Variants in NXPH1 observed in about 807,000 individuals in gnomAD.
The protein encoded by NXPH1 is neurexophilin-1.
A neutral mutation model predicts 23.7 loss-of-function variants in NXPH1; 5 were observed. The ratio of observed to expected loss-of-function variants is 0.21; its 90% confidence interval spans 0.11 to 0.44. NXPH1 has a LOEUF of 0.44. Among genes scored for constraint, NXPH1 ranks in the 20% least tolerant of loss-of-function variants. NXPH1 has a pLI of 0.99. For missense variants in NXPH1, 324 were observed against 321.6 expected, an observed-to-expected ratio of 1.01 and a Z score of -0.06; for synonymous variants, 144 against 122.2, an observed-to-expected ratio of 1.18 and a Z score of -1.18.
At chr7:8,539,733 CACAA>C (rs1339138577) in intron 2 of NXPH1, among the ~76,000 whole-genome samples, 2 of 151,706 alleles carry the variant, frequency 1.3e-5, no homozygotes, top group Admixed American at 6.6e-5. Flanking sequence ...GACACATGTC[CACAA>C]ACAAAAATTA....
chr7:8,498,621 A>G (rs561237294), intron 2 of NXPH1, among the ~76,000 whole-genome samples: 6 of 152,174 alleles, frequency 3.9e-5, no homozygotes, highest in South Asian at 4.1e-4. Flanking sequence ...TTATTGGAAC[A>G]TCTCTTTTTC....
intron 2 of NXPH1, among the ~76,000 whole-genome samples, chr7:8,608,772 G>A (rs1819557102): frequency 6.6e-6 from 1 of 152,042 alleles, no homozygotes; most frequent in African/African-American, 2.4e-5. Context: ...CATTTTTCGT[G>A]TGATATGAAT....
At chr7:8,613,304 A>G (rs958370046) in intron 2 of NXPH1, among the ~76,000 whole-genome samples, 1 of 152,038 alleles carries the variant, frequency 6.6e-6, no homozygotes, top group Admixed American at 6.6e-5. Context: ...GCTTTCAAAT[A>G]TAGTCTATTG....
At position 8,706,962 on chromosome 7, in the gene NXPH1, C is replaced by T. The variant is rs115443147; in HGVS notation, c.55-44046C>T. The stretch of plus-strand genomic sequence containing the variant: ...ATGGGTACAATATATATTTTTCACA[C>T]GATGAATACACGAAAATTGCAGACT... On this transcript the variant is annotated intron_variant, in intron 2 of 2. Coordinates refer to ENST00000405863, the MANE Select transcript of NXPH1 (RefSeq NM_152745.3). 9.3e-3 allele frequency among the ~76,000 whole-genome samples: 1,422 copies of T among 152,092 alleles called. 12 individuals are homozygous for T. The highest frequency in any genetic ancestry group is 0.032 in the African/African-American group (1,328 of 41,466).
At chr7:8,547,074 T>G (rs1818207403) in intron 2 of NXPH1, among the ~76,000 whole-genome samples, 1 of 151,394 alleles carries the variant, frequency 6.6e-6, no homozygotes, top group Non-Finnish European at 1.5e-5. Context: ...GAAGTCTATA[T>G]GGAAGTAACT....
intron 2 of NXPH1, among the ~76,000 whole-genome samples, chr7:8,483,061 T>C (rs1466254192): frequency 6.6e-6 from 1 of 152,196 alleles, no homozygotes; most frequent in East Asian, 1.9e-4. Flanking sequence ...CTGTTAGCAA[T>C]GTAATATTAA....
At chr7:8,738,426 T>C (rs1780299778) in intron 2 of NXPH1, among the ~76,000 whole-genome samples, 1 of 152,318 alleles carries the variant, frequency 6.6e-6, no homozygotes, top group African/African-American at 2.4e-5. Context: ...CTCCAGACCC[T>C]GTTTGGCTGG....
At chr7:8,555,137 A>T (rs1461271492) in intron 2 of NXPH1, among the ~76,000 whole-genome samples, 2 of 151,636 alleles carry the variant, frequency 1.3e-5, no homozygotes, top group Non-Finnish European at 3.0e-5. Flanking sequence ...TGGTGTCAAG[A>T]GCCTGTGGTT....
intron 2 of NXPH1, among the ~76,000 whole-genome samples, chr7:8,688,084 A>G (rs898434930): frequency 1.3e-5 from 2 of 152,112 alleles, no homozygotes; most frequent in Admixed American, 1.3e-4. Context: ...TATGAAATGT[A>G]CATTATGACT....
chr7:8,677,331 T>G (rs1455501903), intron 2 of NXPH1, among the ~76,000 whole-genome samples: 1 of 152,198 alleles, frequency 6.6e-6, no homozygotes, highest in Non-Finnish European at 1.5e-5. Context: ...TTAGTTGGGT[T>G]CCATTTAAGT....
chr7:8,566,309 G>C (rs113199059), intron 2 of NXPH1, among the ~76,000 whole-genome samples: 4 of 151,938 alleles, frequency 2.6e-5, no homozygotes, highest in African/African-American at 7.2e-5. Context: ...AATTAAACCT[G>C]TTGTTTAGCT....
At chr7:8,558,929 A>AG (rs1818400950) in intron 2 of NXPH1, among the ~76,000 whole-genome samples, 1 of 151,352 alleles carries the variant, frequency 6.6e-6, no homozygotes, top group African/African-American at 2.4e-5. Flanking sequence ...AAAATTAAAA[A>AG]CAATAGAATA....
Position 8,589,209 on chromosome 7 carries a change from A to C in NXPH1, c.54+153442A>C, listed in dbSNP as rs191714821. On this transcript the variant is annotated intron_variant, in intron 2 of 2. Transcript: ENST00000405863. ...ATATTAAAAAATGGTGACTAATCTT[A>C]AAGTATAAGATGAAAATGGACACCT... is the stretch of plus-strand genomic sequence containing the variant. Among the ~76,000 whole-genome samples, 4 of 152,250 alleles carry C rather than the reference A, an allele frequency of 2.6e-5. No individual in the cohort carries two copies. In the South Asian group the frequency reaches 8.3e-4, roughly 32 times the overall value.
intron 2 of NXPH1, among the ~76,000 whole-genome samples, chr7:8,551,308 G>A (rs571399631): frequency 2.0e-5 from 3 of 151,544 alleles, no homozygotes; most frequent in South Asian, 4.1e-4. Context: ...GTTTGCTACT[G>A]TATGTTGTGA....
At chr7:8,458,978 A>T (rs1428377404) in intron 2 of NXPH1, among the ~76,000 whole-genome samples, 2 of 152,168 alleles carry the variant, frequency 1.3e-5, no homozygotes, top group Admixed American at 1.3e-4. Flanking sequence ...TAAATTTATA[A>T]ATTGATTATT....
At position 8,626,102 on chromosome 7, in the gene NXPH1, TTTC is replaced by T. The variant is rs1819981204; in HGVS notation, c.55-124901_55-124899del. On this transcript the variant is annotated intron_variant, in intron 2 of 2. Transcript: ENST00000405863. ...GTTGGGAAGACCCATTCTTTCTGCA[TTTC>T]TTCTAAGGGACCTCTTTCTCCTTAA... 2.6e-5 allele frequency among the ~76,000 whole-genome samples: 4 copies of T among 152,150 alleles called. No individual in the cohort carries two copies. The South Asian group carries it at 8.3e-4, about 32-fold the overall frequency.
chr7:8,440,782 G>T (rs540956008), intron 2 of NXPH1, among the ~76,000 whole-genome samples: 1 of 152,116 alleles, frequency 6.6e-6, no homozygotes, highest in Non-Finnish European at 1.5e-5. Flanking sequence ...CTAGGGGGGC[G>T]ATGGGGAAGA....
At chr7:8,584,143 T>C (rs111739766) in intron 2 of NXPH1, among the ~76,000 whole-genome samples, 2 of 152,320 alleles carry the variant, frequency 1.3e-5, no homozygotes, top group African/African-American at 4.8e-5. Context: ...TATCCTAATT[T>C]TATATACGAT....
At chr7:8,641,842 T>C (rs1373401535) in intron 2 of NXPH1, among the ~76,000 whole-genome samples, 2 of 152,238 alleles carry the variant, frequency 1.3e-5, no homozygotes, top group Non-Finnish European at 2.9e-5. Flanking sequence ...AATAATTGCC[T>C]AATTTTTCTT....
Sources: allele counts gnomAD v4.1 joint callset (sites outside exome capture counted in the v4.1 genomes callset), GRCh38; gene constraint gnomAD v4.1.1; transcripts MANE v1.5; gene names NCBI Gene and HGNC (gene_info 2026-07-23, HGNC 2026-07-21).